Variants in ECPAS observed in about 807,000 individuals in gnomAD.
ECPAS encodes the protein proteasome adapter and scaffold protein ECM29.
ECPAS carries 70 observed loss-of-function variants against 255.1 expected under a neutral mutation model. The observed-to-expected ratio is 0.27, with a 90% CI of 0.23 to 0.33. ECPAS has a LOEUF of 0.33. Among genes scored for constraint, ECPAS ranks in the 10% least tolerant of loss-of-function variants. The probability of loss-of-function intolerance (pLI) is 1.00; values close to 1 mark genes in which losing one functional copy is unlikely to be tolerated. For missense variants in ECPAS, 1,817 were observed against 2,206.4 expected (o/e 0.82, Z 3.54); for synonymous variants, 784 against 775.0 (o/e 1.01, Z -0.19).
rs756834740 is a variant in ECPAS at position 111,414,587 on chromosome 9, A to G, written c.1829T>C (p.Leu610Ser). The change falls in exon 19 of 50, where the codon TTG becomes TCG. Residue 610 changes from leucine to serine, a missense_variant. Leu to Ser is a moderately radical substitution (Grantham distance 145). Around this residue, in one of 4 missense-constraint regions of ECPAS, gnomAD observed 573 missense variants for 716.2 expected, o/e 0.80. Transcript: ENST00000684092. Reference protein sequence around the residue: ...SAGVVPTSQSLADMQDHAPAI... With the variant: ...SAGVVPTSQSSADMQDHAPAI... ...TGGGGCATGATCCTGCATATCAGCC[A>G]AACTCTGAGAGGTGGGCACCACCCC... 1.9e-6 allele frequency: 3 copies of G among 1,613,906 alleles called. No individual in the cohort carries two copies. The South Asian group carries it at 3.3e-5, about 18-fold the overall frequency.
intron 48 of ECPAS, among the ~76,000 whole-genome samples, chr9:111,364,977 C>T (rs909520297): frequency 6.6e-6 from 1 of 152,094 alleles, no homozygotes; most frequent in East Asian, 1.9e-4. Context: ...ACGAAGTATT[C>T]CAGATTGAAG....
At chr9:111,452,064 A>T (rs2098260958) in intron 2 of ECPAS, among the ~76,000 whole-genome samples, 1 of 152,206 alleles carries the variant, frequency 6.6e-6, no homozygotes, top group South Asian at 2.1e-4. Context: ...ACATATGTTA[A>T]GTGACACCAT....
chr9:111,451,531 C>T lies in ECPAS; in HGVS notation c.47G>A (p.Arg16Gln), dbSNP rs747429260. Reference protein sequence around the residue: ...CRDQLERVFLRLGHAETDEQL... With the variant: ...CRDQLERVFLQLGHAETDEQL... The stretch of plus-strand genomic sequence containing the variant: ...TTCATCTGTTTCAGCATGGCCAAGT[C>T]GTAAAAAGACCCGTTCAAGCTGATC... The change falls in exon 3 of 50, where the codon CGA becomes CAA. Residue 16 changes from arginine (R) to glutamine (Q), a missense_variant. Physicochemically the swap from Arg to Gln is conservative, Grantham distance 43. Around this residue, in one of 4 missense-constraint regions of ECPAS, gnomAD observed 90 missense variants for 158.5 expected, o/e 0.57. Coordinates refer to ENST00000684092, the MANE Select transcript of ECPAS (RefSeq NM_001364929.1). 3.2e-6 allele frequency: 5 copies of T among 1,573,166 alleles called. No individual in the cohort carries two copies. The highest frequency in any genetic ancestry group is 2.4e-5 in the South Asian group (2 of 84,728).
intron 12 of ECPAS, among the ~76,000 whole-genome samples, chr9:111,423,496 A>C (rs545451475): frequency 5.9e-5 from 9 of 152,338 alleles, no homozygotes; most frequent in African/African-American, 2.2e-4. Flanking sequence ...CAATCGCTCC[A>C]AAAAGAAAAT....
At chr9:111,388,368 G>T (rs2098153745) in intron 31 of ECPAS, among the ~76,000 whole-genome samples, 1 of 148,100 alleles carries the variant, frequency 6.8e-6, no homozygotes, top group Non-Finnish European at 1.5e-5. Context: ...GATCTTGGCT[G>T]ACCCAAAAGT....
chr9:111,383,481 A>G, intron 34 of ECPAS, 149 bp from the exon 35 acceptor site: 1 of 1,155,066 alleles, frequency 8.7e-7, no homozygotes, highest in Non-Finnish European at 1.2e-6. Context: ...GAGGAATGAG[A>G]TCGGAGATTG....
chr9:111,483,210 G>T (rs1236183474), intron 1 of ECPAS, among the ~76,000 whole-genome samples: 2 of 151,944 alleles, frequency 1.3e-5, no homozygotes, highest in Non-Finnish European at 2.9e-5. Flanking sequence ...TCAGTGGGCA[G>T]GGGGCTGGGC....
intron 35 of ECPAS, among the ~76,000 whole-genome samples, chr9:111,379,885 AC>A (rs1564503634): frequency 6.6e-6 from 1 of 152,164 alleles, no homozygotes; most frequent in Non-Finnish European, 1.5e-5. Flanking sequence ...GGCCCCACTT[AC>A]GATTTCCACC....
At chr9:111,414,702 G>T in intron 18 of ECPAS, 51 bp from the exon 19 acceptor site, 1 of 1,482,388 alleles carries the variant, frequency 6.7e-7, no homozygotes, top group Non-Finnish European at 9.3e-7. Flanking sequence ...AAAAGTCAGT[G>T]TGGGAAGGTA....
intron 2 of ECPAS, 77 bp downstream of exon 2, chr9:111,472,820 G>C (rs2098290635): frequency 9.9e-6 from 3 of 302,416 alleles, no homozygotes; most frequent in Non-Finnish European, 1.8e-5. Context: ...GGGGGAAATT[G>C]CTACCTGATA....
intron 7 of ECPAS, among the ~76,000 whole-genome samples, chr9:111,435,846 ATT>A (rs201323788): frequency 8.2e-4 from 105 of 127,518 alleles, no homozygotes; most frequent in African/African-American, 2.7e-3. Context: ...CGCCCAGCTA[ATT>A]TTTTTTTTTT....
chr9:111,457,994 G>C (rs1302210808), intron 2 of ECPAS, among the ~76,000 whole-genome samples: 1 of 152,062 alleles, frequency 6.6e-6, no homozygotes, highest in Non-Finnish European at 1.5e-5. Flanking sequence ...GAAGTATCTA[G>C]ATTTTGTGTG....
intron 1 of ECPAS, among the ~76,000 whole-genome samples, chr9:111,476,766 G>C (rs1249505931): frequency 6.6e-6 from 1 of 151,658 alleles, no homozygotes; most frequent in Middle Eastern, 3.2e-3. Context: ...AGGTTCAAGT[G>C]ATTCTCCTGC....
intron 24 of ECPAS, among the ~76,000 whole-genome samples, chr9:111,397,581 G>A (rs528927944): frequency 1.3e-5 from 2 of 152,200 alleles, no homozygotes; most frequent in African/African-American, 2.4e-5. Context: ...GCATAATATC[G>A]TCATCCACAG....
Position 111,411,087 on chromosome 9 carries a change from T to C in ECPAS, c.2270A>G (p.Tyr757Cys). ...LLALGFTVGR[Y>C]LAKKKMRMSE... Reference sequence around the variant, plus strand: ...CATTCTCATTTTCTTTTTAGCCAAATACCTTCCCACCGTGAATCCCAATGC... The same window carrying C: ...CATTCTCATTTTCTTTTTAGCCAAACACCTTCCCACCGTGAATCCCAATGC... The change falls in exon 22 of 50, where the codon TAT becomes TGT. Residue 757 changes from tyrosine (Y) to cysteine (C), a missense_variant. By Grantham distance (194) the Tyr-to-Cys change is radical. This residue lies in a region of ECPAS where 194 missense variants were observed against 152.8 expected (regional missense o/e 1.27). Coordinates refer to ENST00000684092, the MANE Select transcript of ECPAS (RefSeq NM_001364929.1). The C allele has an allele frequency of 6.2e-7, 1 of 1,613,870 alleles. No homozygotes were observed. The highest frequency in any genetic ancestry group is 8.5e-7 in the Non-Finnish European group (1 of 1,179,846).
At chr9:111,414,764 G>A (rs1274318191) in intron 18 of ECPAS, 113 bp from the exon 19 acceptor site, 2 of 935,926 alleles carry the variant, frequency 2.1e-6, no homozygotes, top group East Asian at 5.3e-5. Context: ...TCTTTATAAA[G>A]CTATTCCAAT....
At chr9:111,467,993 A>C (rs979784451) in intron 2 of ECPAS, among the ~76,000 whole-genome samples, 5 of 152,238 alleles carry the variant, frequency 3.3e-5, no homozygotes, top group South Asian at 4.2e-4. Flanking sequence ...TCTCTATTAA[A>C]AATATAAAAA....
At chr9:111,398,593 G>C (rs1305889793) in intron 24 of ECPAS, among the ~76,000 whole-genome samples, 2 of 152,076 alleles carry the variant, frequency 1.3e-5, no homozygotes, top group South Asian at 2.1e-4. Flanking sequence ...GGGCAAAGTG[G>C]CTGAACGGGG....
intron 25 of ECPAS, among the ~76,000 whole-genome samples, chr9:111,396,823 A>G (rs1322851759): frequency 6.6e-6 from 1 of 152,172 alleles, no homozygotes; most frequent in Non-Finnish European, 1.5e-5. Flanking sequence ...AAGTGCTGGG[A>G]TTACAGGCAC....
Sources: gnomAD v4.1 joint callset for allele counts (sites outside exome capture counted in the v4.1 genomes callset) on GRCh38, gnomAD v4.1.1 for gene constraint, gnomAD v4.1.1 regional missense constraint, MANE v1.5 for transcripts, NCBI Gene and HGNC (gene_info 2026-07-23, HGNC 2026-07-21) for gene names.